The following MIPOL1 variants were observed in gnomAD, a reference collection of about 807,000 sequenced individuals.
MIPOL1 encodes mirror-image polydactyly gene 1 protein.
MIPOL1 carries 57 observed loss-of-function variants against 60.9 expected under a neutral mutation model. That is an observed-to-expected ratio of 0.94 (90% CI 0.76 to 1.17). MIPOL1 has a LOEUF of 1.17. Ranked by LOEUF, MIPOL1 falls within the 50% of genes most tolerant of loss-of-function variation. The pLI is 0.00. For synonymous variants in MIPOL1, 179 were observed against 168.8 expected, an observed-to-expected ratio of 1.06 and a Z score of -0.47; for missense variants, 551 against 511.6, an observed-to-expected ratio of 1.08 and a Z score of -0.74.
intron 9 of MIPOL1, among the ~76,000 whole-genome samples, chr14:37,346,173 A>T (rs576228222): frequency 6.6e-6 from 1 of 152,226 alleles, no homozygotes; most frequent in South Asian, 2.1e-4. Context: ...CTACAAAAAT[A>T]CAAAGATTAG....
intron 12 of MIPOL1, chr14:37,506,127 C>G (rs1384593112): frequency 6.6e-6 from 1 of 152,174 alleles, no homozygotes; most frequent in African/African-American, 2.4e-5. Context: ...GAAGTACATT[C>G]CATGCTCACG....
rs1054302929 is a variant in MIPOL1, at chr14:37,355,542, A to G, written c.829-13975A>G. ...CATTCTCCCTGTCACTTTCAGGTAC[A>G]CCAATGAGACGTAGATTTGGTCTTT... On this transcript the variant is annotated intron_variant, in intron 9 of 12. Transcript: ENST00000684589. Among the ~76,000 whole-genome samples the G allele has an allele frequency of 1.8e-3, 279 of 150,858 alleles. 2 individuals are homozygous for G. The highest frequency in any genetic ancestry group is 6.3e-3 in the African/African-American group (257 of 41,024).
intron 6 of MIPOL1, among the ~76,000 whole-genome samples, chr14:37,283,506 T>A (rs1363694220): frequency 2.0e-5 from 3 of 152,218 alleles, no homozygotes; most frequent in Admixed American, 6.5e-5. Flanking sequence ...AATTTTTGCC[T>A]GCCAATGAAA....
chr14:37,394,383 T>G (rs2093331559), intron 10 of MIPOL1, among the ~76,000 whole-genome samples: 1 of 151,944 alleles, frequency 6.6e-6, no homozygotes, highest in African/African-American at 2.4e-5. Context: ...CCACCAGCAG[T>G]GTAGAAGTGT....
chr14:37,422,779 A>G, intron 10 of MIPOL1, 76 bp from the exon 11 acceptor site: 4 of 904,222 alleles, frequency 4.4e-6, no homozygotes, highest in Non-Finnish European at 6.8e-6. Context: ...ATTTAAGACT[A>G]CTGTTCTTAC....
intron 11 of MIPOL1, among the ~76,000 whole-genome samples, chr14:37,445,814 C>G (rs1292894182): frequency 6.6e-6 from 1 of 152,048 alleles, no homozygotes; most frequent in Admixed American, 6.6e-5. Flanking sequence ...GAAAAACAAG[C>G]AATGGGGAAA....
chr14:37,381,749 AT>A (rs71127215), intron 10 of MIPOL1, among the ~76,000 whole-genome samples: 391 of 145,720 alleles, frequency 2.7e-3, no homozygotes, highest in Middle Eastern at 7.1e-3. Flanking sequence ...TGCCCTGCTA[AT>A]TTTTTTTTTT....
intron 9 of MIPOL1, among the ~76,000 whole-genome samples, chr14:37,349,484 G>C (rs921335866): frequency 6.6e-6 from 1 of 152,064 alleles, no homozygotes; most frequent in African/African-American, 2.4e-5. Flanking sequence ...ATTCATTCCT[G>C]CTACAGGATT....
intron 9 of MIPOL1, among the ~76,000 whole-genome samples, chr14:37,318,808 T>TTAGTTAG (rs1567445419): frequency 1.2e-4 from 10 of 83,568 alleles, no homozygotes; most frequent in East Asian, 5.5e-4. Context: ...TATTTATTTA[T>TTAGTTAG]TTATTTATTT....
intron 9 of MIPOL1, among the ~76,000 whole-genome samples, chr14:37,334,450 C>T (rs1189872939): frequency 1.3e-5 from 2 of 151,874 alleles, no homozygotes; most frequent in African/African-American, 4.8e-5. Context: ...GGAACTGTAT[C>T]GACAGTAGAA....
At chr14:37,439,296 AGAG>A (rs1289669270) in intron 11 of MIPOL1, among the ~76,000 whole-genome samples, 2 of 152,190 alleles carry the variant, frequency 1.3e-5, no homozygotes, top group African/African-American at 4.8e-5. Flanking sequence ...ATTCTGATAG[AGAG>A]GAGGAGGAAG....
chr14:37,446,742 C>T (rs1022840191), intron 11 of MIPOL1, among the ~76,000 whole-genome samples: 14 of 152,044 alleles, frequency 9.2e-5, no homozygotes, highest in African/African-American at 3.1e-4. Context: ...TACTATGCAG[C>T]CATAAAAAAT....
At chr14:37,209,982 T>A (rs747880442) in intron 1 of MIPOL1, among the ~76,000 whole-genome samples, 3 of 152,110 alleles carry the variant, frequency 2.0e-5, no homozygotes, top group Non-Finnish European at 4.4e-5. Flanking sequence ...AAGTACTGAT[T>A]ACTGGTGTGA....
intron 6 of MIPOL1, among the ~76,000 whole-genome samples, chr14:37,280,974 A>AT: frequency 6.6e-6 from 1 of 152,246 alleles, no homozygotes; most frequent in East Asian, 1.9e-4. Flanking sequence ...AGGTTGTCTC[A>AT]TTATTGTTTT....
At chr14:37,199,547 T>C (rs1964883681) in intron 1 of MIPOL1, among the ~76,000 whole-genome samples, 2 of 152,016 alleles carry the variant, frequency 1.3e-5, no homozygotes. Context: ...TTTTTTGAGA[T>C]GGAGTCTCGC....
chr14:37,534,997 G>A (rs2095499545), intron 12 of MIPOL1, among the ~76,000 whole-genome samples: 1 of 151,976 alleles, frequency 6.6e-6, no homozygotes, highest in African/African-American at 2.4e-5. Context: ...TCCAAAACTT[G>A]AAATAAAATT....
intron 12 of MIPOL1, among the ~76,000 whole-genome samples, chr14:37,537,535 A>G (rs565576703): frequency 2.0e-5 from 3 of 152,296 alleles, no homozygotes; most frequent in East Asian, 1.9e-4. Flanking sequence ...TGAGTTTTCT[A>G]TTAATAAGAT....
chr14:37,358,514 T>A (rs955795740), intron 9 of MIPOL1, among the ~76,000 whole-genome samples: 1 of 152,232 alleles, frequency 6.6e-6, no homozygotes. Context: ...TTCTGACTTT[T>A]TAATCATTGC....
chr14:37,547,337 A>C lies in MIPOL1; in HGVS notation c.*366A>C, dbSNP rs1010834780. On this transcript the variant is annotated 3_prime_UTR_variant, in exon 13 of 13. Coordinates refer to ENST00000684589, the MANE Select transcript of MIPOL1 (RefSeq NM_001388067.1). The stretch of plus-strand genomic sequence containing the variant: ...CTTCACATATGGCCCTTTCTGAATC[A>C]AAGTGCGGCAAAGTAAATATTGTCT... 5 of 181,168 alleles carry C rather than the reference A, an allele frequency of 2.8e-5. No homozygotes were observed. Among genetic ancestry groups the C allele is most frequent in the Middle Eastern group, 2.3e-3 (1 of 438 alleles). 11.2% of individuals were successfully genotyped at this position (181,168 alleles called of 1,614,324 possible). A position where few individuals can be genotyped will look rare whatever the true frequency, so the allele number is the denominator to read the frequency against.
Sources: allele counts gnomAD v4.1 joint callset (sites outside exome capture counted in the v4.1 genomes callset), GRCh38; gene constraint gnomAD v4.1.1; transcripts MANE v1.5; gene names NCBI Gene and HGNC (gene_info 2026-07-23, HGNC 2026-07-21).